DPP10: variants seen among roughly 807,000 people sequenced by gnomAD.
DPP10 encodes inactive dipeptidyl peptidase 10.
In DPP10, 33 loss-of-function variants were observed where a neutral mutation model predicts 120.9. That is an observed-to-expected ratio of 0.27 (90% CI 0.21 to 0.37). DPP10 has a LOEUF of 0.37. Among genes scored for constraint, DPP10 ranks in the 10% least tolerant of loss-of-function variants. DPP10 has a pLI of 1.00. For missense variants in DPP10, 816 were observed against 942.8 expected, an observed-to-expected ratio of 0.87 and a Z score of 1.76; for synonymous variants, 337 against 326.1, an observed-to-expected ratio of 1.03 and a Z score of -0.36.
chr2:114,982,747 C>T (rs1700164235), intron 1 of DPP10, among the ~76,000 whole-genome samples: 1 of 151,724 alleles, frequency 6.6e-6, no homozygotes, highest in Non-Finnish European at 1.5e-5. Flanking sequence ...ACTATAGTCG[C>T]ATGCCACCAT....
rs530620504 is a variant in DPP10, at chr2:115,301,160, G to A, written c.61-8079G>A. On this transcript the variant is annotated intron_variant, in intron 1 of 25. Coordinates refer to ENST00000410059, the MANE Select transcript of DPP10 (RefSeq NM_020868.6). The stretch of plus-strand genomic sequence containing the variant: ...AATGTTTTATTATCCGTCCCTAAGA[G>A]TTTCACCCCTGCTTCTTCGTGAAAT... Among the ~76,000 whole-genome samples, 13 of 151,948 alleles carry A rather than the reference G, an allele frequency of 8.6e-5. 1 individual carries two copies. The South Asian group carries it at 2.1e-3, about 24-fold the overall frequency.
chr2:115,496,576 G>A (rs1558757127), intron 3 of DPP10, among the ~76,000 whole-genome samples: 2 of 152,062 alleles, frequency 1.3e-5, no homozygotes, highest in Non-Finnish European at 1.5e-5. Context: ...TTCACTATGA[G>A]GAACTATGGG....
chr2:115,623,087 C>T lies in DPP10; in HGVS notation c.442-66600C>T, dbSNP rs898587901. Among the ~76,000 whole-genome samples, 10 of 152,152 alleles carry T rather than the reference C, an allele frequency of 6.6e-5. No individual in the cohort carries two copies. The East Asian group carries it at 1.4e-3, about 21-fold the overall frequency. Reference sequence around the variant, plus strand: ...GTCTCGATCTCCTGACCTCGTGATCCGCCCGCCTCGGCCTCCCAAAGTGCT... The same window carrying T: ...GTCTCGATCTCCTGACCTCGTGATCTGCCCGCCTCGGCCTCCCAAAGTGCT... On this transcript the variant is annotated intron_variant, in intron 5 of 25. Transcript: ENST00000410059.
At chr2:114,922,740 A>G (rs570068232) in intron 1 of DPP10, among the ~76,000 whole-genome samples, 28 of 152,284 alleles carry the variant, frequency 1.8e-4, no homozygotes, top group African/African-American at 6.3e-4. Context: ...TTTAAAACTG[A>G]TGAACAATAT....
intron 5 of DPP10, among the ~76,000 whole-genome samples, chr2:115,629,009 C>T (rs1399115890): frequency 2.0e-5 from 3 of 152,022 alleles, no homozygotes; most frequent in African/African-American, 7.3e-5. Flanking sequence ...TGTTCCCCAC[C>T]CTGTGACCCA....
At chr2:114,671,000 A>C (rs1698300014) in intron 1 of DPP10, among the ~76,000 whole-genome samples, 1 of 152,170 alleles carries the variant, frequency 6.6e-6, no homozygotes, top group South Asian at 2.1e-4. Context: ...GAGAAGACAC[A>C]AGATGAAAGA....
At chr2:114,516,826 A>G (rs1684632736) in intron 1 of DPP10, among the ~76,000 whole-genome samples, 1 of 152,110 alleles carries the variant, frequency 6.6e-6, no homozygotes, top group African/African-American at 2.4e-5. Flanking sequence ...TTAAACTTCT[A>G]CTTTTGTTTT....
chr2:115,206,978 A>G (rs938417742), intron 1 of DPP10, among the ~76,000 whole-genome samples: 1 of 152,204 alleles, frequency 6.6e-6, no homozygotes, highest in African/African-American at 2.4e-5. Context: ...ATATGACTGT[A>G]TTGGAGATTT....
At chr2:115,725,057 G>A (rs2092732959) in intron 7 of DPP10, among the ~76,000 whole-genome samples, 1 of 152,146 alleles carries the variant, frequency 6.6e-6, no homozygotes, top group South Asian at 2.1e-4. Flanking sequence ...AGATTTGGCA[G>A]GGACATAGAT....
chr2:114,651,365 C>T (rs551698730), intron 1 of DPP10, among the ~76,000 whole-genome samples: 6 of 152,174 alleles, frequency 3.9e-5, no homozygotes, highest in African/African-American at 1.2e-4. Flanking sequence ...GGAACTTTTG[C>T]GTGAGTGGCA....
intron 1 of DPP10, among the ~76,000 whole-genome samples, chr2:114,474,408 T>C (rs1427819445): frequency 6.6e-6 from 1 of 152,214 alleles, no homozygotes; most frequent in Non-Finnish European, 1.5e-5. Flanking sequence ...GCCCTTCTTC[T>C]TTTTCCTGGC....
Position 115,633,756 on chromosome 2 carries a change from T to C in DPP10, c.442-55931T>C, listed in dbSNP as rs1290865975. On this transcript the variant is annotated intron_variant, in intron 5 of 25. Transcript: ENST00000410059. ...AACCTTGGAGAATCTGATGATTATGTGTCTTGGGGTTGATCTTCTCATGGA... is the reference window on the plus strand; with the variant it reads ...AACCTTGGAGAATCTGATGATTATGCGTCTTGGGGTTGATCTTCTCATGGA... Among the ~76,000 whole-genome samples, 3 of 152,136 alleles carry C rather than the reference T, an allele frequency of 2.0e-5. No homozygotes were observed. In the East Asian group the frequency reaches 5.8e-4, roughly 29 times the overall value.
At chr2:115,327,021 C>G (rs2062406366) in intron 2 of DPP10, among the ~76,000 whole-genome samples, 1 of 152,040 alleles carries the variant, frequency 6.6e-6, no homozygotes, top group African/African-American at 2.4e-5. Context: ...AGAGTAACTT[C>G]CAATCCTACA....
At chr2:114,744,727 A>G (rs1678404722) in intron 1 of DPP10, among the ~76,000 whole-genome samples, 1 of 152,218 alleles carries the variant, frequency 6.6e-6, no homozygotes, top group Middle Eastern at 3.4e-3. Context: ...AAGGGCAGAG[A>G]TGAGAACCTG....
At chr2:115,656,023 A>G (rs1244776729) in intron 5 of DPP10, among the ~76,000 whole-genome samples, 2 of 151,510 alleles carry the variant, frequency 1.3e-5, no homozygotes, top group Non-Finnish European at 3.0e-5. Context: ...GTTATGCATA[A>G]TAAATAAGTT....
chr2:114,767,574 A>G (rs1028504765), intron 1 of DPP10, among the ~76,000 whole-genome samples: 2 of 152,094 alleles, frequency 1.3e-5, no homozygotes, highest in African/African-American at 4.8e-5. Flanking sequence ...GAGAAAAGAG[A>G]GATCACATAA....
chr2:115,702,128 A>T (rs997851549), intron 7 of DPP10, among the ~76,000 whole-genome samples: 1 of 151,990 alleles, frequency 6.6e-6, no homozygotes, highest in Non-Finnish European at 1.5e-5. Flanking sequence ...TGACACAATG[A>T]CCTTGAGGAA....
At chr2:115,450,934 G>C (rs2073060354) in intron 3 of DPP10, among the ~76,000 whole-genome samples, 1 of 151,816 alleles carries the variant, frequency 6.6e-6, no homozygotes, top group South Asian at 2.1e-4. Flanking sequence ...ATAAAATGCT[G>C]TTTTTCAGTT....
At chr2:114,968,738 TA>T (rs1254854071) in intron 1 of DPP10, among the ~76,000 whole-genome samples, 4 of 152,232 alleles carry the variant, frequency 2.6e-5, no homozygotes, top group East Asian at 3.8e-4. Context: ...GCCAAACGTT[TA>T]CTAATTTTTC....
Sources: allele counts gnomAD v4.1 joint callset (sites outside exome capture counted in the v4.1 genomes callset), GRCh38; gene constraint gnomAD v4.1.1; transcripts MANE v1.5; gene names NCBI Gene and HGNC (gene_info 2026-07-23, HGNC 2026-07-21).